Variants in PRKACB observed in about 807,000 individuals in gnomAD.
PRKACB encodes the protein cAMP-dependent protein kinase catalytic subunit beta.
In PRKACB, 16 loss-of-function variants were observed where a neutral mutation model predicts 51.4. The observed-to-expected ratio is 0.31, with a 90% CI of 0.21 to 0.47. The LOEUF (loss-of-function observed/expected upper bound fraction) is 0.47, where lower values mean the gene tolerates loss of function less well. Among genes scored for constraint, PRKACB ranks in the 20% least tolerant of loss-of-function variants. The pLI, the probability that PRKACB is intolerant of heterozygous loss-of-function variation, is 1.00. For synonymous variants in PRKACB, 147 were observed against 154.4 expected (o/e 0.95, Z 0.35); for missense variants, 309 against 464.5 (o/e 0.67, Z 3.08).
intron 1 of PRKACB, among the ~76,000 whole-genome samples, chr1:84,159,691 C>T (rs1026035105): frequency 6.6e-6 from 1 of 152,090 alleles, no homozygotes; most frequent in Admixed American, 6.6e-5. Flanking sequence ...TTCCATCTTT[C>T]ATCATTAAAT....
rs1205446641 is a variant in PRKACB, at chr1:84,217,945, A to AT, written c.1071+3631dup. On this transcript the variant is annotated intron_variant, in intron 9 of 9. Transcript: ENST00000370685. ...TTGAATAATTCTTATTTGGCCTCTT[A>AT]TTTGAAATTCTACCTTTACTAATAT... is the stretch of plus-strand genomic sequence containing the variant. Among the ~76,000 whole-genome samples the AT allele has an allele frequency of 5.3e-5, 8 of 152,206 alleles. No individual in the cohort carries two copies. In the East Asian group the frequency reaches 1.5e-3, roughly 29 times the overall value.
chr1:84,115,863 CAA>C (rs1356383945), intron 1 of PRKACB, among the ~76,000 whole-genome samples: 1 of 57,746 alleles, frequency 1.7e-5, no homozygotes, highest in African/African-American at 7.8e-5. Flanking sequence ...GCCTGGGCAA[CAA>C]GAGAGAAAAA....
chr1:84,124,234 G>T lies in PRKACB; in HGVS notation c.46+45863G>T, dbSNP rs1024580811. Among the ~76,000 whole-genome samples the T allele has an allele frequency of 2.6e-5, 4 of 152,158 alleles. No homozygotes were observed. In the South Asian group the frequency reaches 6.2e-4, roughly 24 times the overall value. ...CAATGTGGTCAGTACAGTAACGTGG[G>T]TGTTAATATATTTTAGGAACTAGAA... On this transcript the variant is annotated intron_variant, in intron 1 of 8. Coordinates refer to the PRKACB transcript ENST00000370688.
chr1:84,194,852 T>G (rs1420563175), intron 5 of PRKACB, among the ~76,000 whole-genome samples: 3 of 151,954 alleles, frequency 2.0e-5, no homozygotes, highest in Non-Finnish European at 4.4e-5. Flanking sequence ...GTGGGAAGAT[T>G]GCATGAGCCC....
chr1:84,128,447 ATATGT>A (rs1490665057), intron 1 of PRKACB, among the ~76,000 whole-genome samples: 1 of 152,200 alleles, frequency 6.6e-6, no homozygotes, highest in Non-Finnish European at 1.5e-5. Context: ...TTTCATGCTC[ATATGT>A]TATAACAGAA....
At chr1:84,180,810 G>C (rs954544438) in intron 2 of PRKACB, among the ~76,000 whole-genome samples, 1 of 151,648 alleles carries the variant, frequency 6.6e-6, no homozygotes, top group African/African-American at 2.4e-5. Flanking sequence ...CAATAAGAGA[G>C]GTAAGGAAGA....
At chr1:84,164,694 G>T in intron 1 of PRKACB, 1 of 1,392,344 alleles carries the variant, frequency 7.2e-7, no homozygotes. Context: ...TTTTCTCCCT[G>T]CCATTTTGAG....
At chr1:84,120,862 G>A (rs1651009410) in intron 1 of PRKACB, among the ~76,000 whole-genome samples, 1 of 151,914 alleles carries the variant, frequency 6.6e-6, no homozygotes, top group African/African-American at 2.4e-5. Context: ...CCACCTTCTG[G>A]TTCCCAGATA....
intron 1 of PRKACB, among the ~76,000 whole-genome samples, chr1:84,122,544 A>G (rs1406636200): frequency 6.6e-6 from 1 of 152,202 alleles, no homozygotes; most frequent in Non-Finnish European, 1.5e-5. Context: ...AACCAGCTCA[A>G]TATAAGAACA....
At chr1:84,116,143 A>G (rs149889985) in intron 1 of PRKACB, among the ~76,000 whole-genome samples, 3 of 152,252 alleles carry the variant, frequency 2.0e-5, no homozygotes, top group African/African-American at 4.8e-5. Context: ...AGGTTTGTCA[A>G]AGATCAATTG....
intron 1 of PRKACB, chr1:84,157,213 A>G (rs762582161): frequency 1.3e-4 from 20 of 152,106 alleles, no homozygotes; most frequent in Non-Finnish European, 2.4e-4. Context: ...CAGAGTATTG[A>G]GAAGGCATGG....
At chr1:84,216,712 A>G (rs1382344441) in intron 9 of PRKACB, among the ~76,000 whole-genome samples, 1 of 152,170 alleles carries the variant, frequency 6.6e-6, no homozygotes, top group African/African-American at 2.4e-5. Context: ...AAGTGATACC[A>G]TTTTCCCCAT....
intron 9 of PRKACB, among the ~76,000 whole-genome samples, chr1:84,232,848 G>A (rs1416604609): frequency 2.0e-5 from 3 of 152,026 alleles, no homozygotes; most frequent in Non-Finnish European, 4.4e-5. Flanking sequence ...CATACTGATG[G>A]GTCTTGACTC....
chr1:84,201,678 T>C (rs751670345), intron 7 of PRKACB, among the ~76,000 whole-genome samples: 3 of 152,092 alleles, frequency 2.0e-5, no homozygotes, highest in Non-Finnish European at 2.9e-5. Context: ...AGCTAAAATT[T>C]TGACAAAAGG....
chr1:84,168,787 T>C (rs1658389030), intron 1 of PRKACB, among the ~76,000 whole-genome samples: 1 of 151,506 alleles, frequency 6.6e-6, no homozygotes, highest in Non-Finnish European at 1.5e-5. Context: ...CCAACACTGC[T>C]CATTACTTTC....
At chr1:84,108,106 G>A (rs566442198) in intron 1 of PRKACB, among the ~76,000 whole-genome samples, 1 of 152,214 alleles carries the variant, frequency 6.6e-6, no homozygotes, top group African/African-American at 2.4e-5. Context: ...ACTGGATAAA[G>A]AAAATGTACA....
chr1:84,209,855 A>T (rs771507487), intron 8 of PRKACB, among the ~76,000 whole-genome samples: 1 of 152,226 alleles, frequency 6.6e-6, no homozygotes, highest in Non-Finnish European at 1.5e-5. Context: ...GTACTTGCTT[A>T]ATTCAAGCAT....
chr1:84,083,935 AG>A, intron 1 of PRKACB, among the ~76,000 whole-genome samples: 1 of 152,330 alleles, frequency 6.6e-6, no homozygotes, highest in African/African-American at 2.4e-5. Flanking sequence ...ACTCTACACA[AG>A]ACTATGGGAA....
intron 1 of PRKACB, among the ~76,000 whole-genome samples, chr1:84,082,530 C>T (rs1271815945): frequency 2.0e-5 from 3 of 152,096 alleles, no homozygotes; most frequent in Non-Finnish European, 4.4e-5. Flanking sequence ...TAAATGTATA[C>T]TTTTCCCTTC....
Sources: gnomAD v4.1 joint callset for allele counts (sites outside exome capture counted in the v4.1 genomes callset) on GRCh38, gnomAD v4.1.1 for gene constraint, MANE v1.5 for transcripts, NCBI Gene and HGNC (gene_info 2026-07-23, HGNC 2026-07-21) for gene names.